The following KCNIP4 variants were observed in gnomAD, a reference collection of about 807,000 sequenced individuals.
KCNIP4 encodes Kv channel-interacting protein 4.
KCNIP4 carries 12 observed loss-of-function variants against 34.0 expected under a neutral mutation model. That is an observed-to-expected ratio of 0.35 (90% CI 0.23 to 0.57). The LOEUF (loss-of-function observed/expected upper bound fraction) is 0.57. Among genes scored for constraint, KCNIP4 ranks in the 20% least tolerant of loss-of-function variants. The pLI is 0.83. For synonymous variants in KCNIP4, 124 were observed against 102.2 expected (o/e 1.21, Z -1.29); for missense variants, 238 against 311.7 (o/e 0.76, Z 1.78).
At chr4:21,116,206 C>T (rs1461282451) in intron 1 of KCNIP4, among the ~76,000 whole-genome samples, 1 of 152,166 alleles carries the variant, frequency 6.6e-6, no homozygotes, top group Non-Finnish European at 1.5e-5. Context: ...GCCCTCCAAA[C>T]TGTTTAAGCT....
At chr4:21,054,534 AG>A (rs1366145517) in intron 1 of KCNIP4, among the ~76,000 whole-genome samples, 1 of 151,592 alleles carries the variant, frequency 6.6e-6, no homozygotes, top group Non-Finnish European at 1.5e-5. Context: ...AAAAAAAAAA[AG>A]AATAGACAAA....
chr4:20,879,830 CAGATA>C (rs1397342453), intron 2 of KCNIP4, among the ~76,000 whole-genome samples: 1 of 152,108 alleles, frequency 6.6e-6, no homozygotes, highest in Non-Finnish European at 1.5e-5. Context: ...AGCTTGCATT[CAGATA>C]AATCAGTTCT....
At chr4:21,150,134 T>C (rs1752654537) in intron 1 of KCNIP4, among the ~76,000 whole-genome samples, 1 of 152,174 alleles carries the variant, frequency 6.6e-6, no homozygotes, top group South Asian at 2.1e-4. Context: ...TGCAGACCCC[T>C]TGGAGATGGT....
intron 5 of KCNIP4, among the ~76,000 whole-genome samples, chr4:20,739,748 G>C (rs1160560982): frequency 6.6e-6 from 1 of 152,152 alleles, no homozygotes; most frequent in African/African-American, 2.4e-5. Flanking sequence ...TGACTTTGAT[G>C]AGCTGACAGA....
rs1451623507 is a variant in KCNIP4, at chr4:21,224,302, T to C, written c.62-341593A>G. Among the ~76,000 whole-genome samples the C allele has an allele frequency of 3.3e-5, 5 of 152,056 alleles. No homozygotes were observed. In the East Asian group the frequency reaches 5.8e-4, roughly 18 times the overall value. On this transcript the variant is annotated intron_variant, in intron 1 of 8. Coordinates refer to ENST00000382152, the MANE Select transcript of KCNIP4 (RefSeq NM_025221.6). ...TGGTGAGGGCCTGCTTCCTGTCTTG[T>C]AGACAGCCATCTTCTTGCAGAGAGG...
intron 1 of KCNIP4, among the ~76,000 whole-genome samples, chr4:21,338,606 CA>C (rs11454380): frequency 5.0e-5 from 7 of 139,210 alleles, no homozygotes; most frequent in South Asian, 2.2e-4. Flanking sequence ...GACTCTGCTT[CA>C]AAAAAAAAAC....
At chr4:21,669,060 T>C (rs1011280036) in intron 1 of KCNIP4, among the ~76,000 whole-genome samples, 1 of 152,206 alleles carries the variant, frequency 6.6e-6, no homozygotes, top group Non-Finnish European at 1.5e-5. Flanking sequence ...AATACTTTTA[T>C]GATAATCCAC....
intron 4 of KCNIP4, among the ~76,000 whole-genome samples, chr4:20,758,423 A>G (rs6832227): frequency 0.017 from 2,567 of 152,238 alleles, 66 homozygotes; most frequent in African/African-American, 0.059. Flanking sequence ...TACCTTCTCC[A>G]ATCCCCAGAT....
chr4:21,675,801 A>G (rs562143971), intron 1 of KCNIP4, among the ~76,000 whole-genome samples: 1 of 152,204 alleles, frequency 6.6e-6, no homozygotes, highest in East Asian at 1.9e-4. Flanking sequence ...GAAAGAAAAC[A>G]TGAAAGGGAC....
intron 4 of KCNIP4, among the ~76,000 whole-genome samples, chr4:20,753,447 C>T (rs950436507): frequency 1.3e-5 from 2 of 152,204 alleles, no homozygotes; most frequent in East Asian, 1.9e-4. Flanking sequence ...AGTTCTTAAC[C>T]CAATTATATC....
chr4:21,757,734 A>C (rs1013065323), intron 1 of KCNIP4, among the ~76,000 whole-genome samples: 10 of 152,198 alleles, frequency 6.6e-5, no homozygotes, highest in African/African-American at 2.4e-4. Context: ...CCAATCTATG[A>C]CCCCATTCAA....
intron 1 of KCNIP4, among the ~76,000 whole-genome samples, chr4:21,391,827 A>C (rs1275068501): frequency 1.3e-5 from 2 of 152,118 alleles, no homozygotes; most frequent in African/African-American, 4.8e-5. Flanking sequence ...ACTGTTCCTT[A>C]ATTCAACCAG....
intron 1 of KCNIP4, among the ~76,000 whole-genome samples, chr4:21,227,857 A>T (rs1383438265): frequency 6.6e-6 from 1 of 152,160 alleles, no homozygotes; most frequent in Non-Finnish European, 1.5e-5. Context: ...GAGCGGACAG[A>T]TCAACTATCC....
chr4:20,880,426 A>G (rs1044487414), intron 2 of KCNIP4, among the ~76,000 whole-genome samples: 12 of 152,186 alleles, frequency 7.9e-5, no homozygotes, highest in African/African-American at 4.8e-5. Context: ...AGCCAGTACT[A>G]TACAATCCCA....
intron 1 of KCNIP4, among the ~76,000 whole-genome samples, chr4:21,572,219 T>A (rs895718643): frequency 6.6e-6 from 1 of 152,190 alleles, no homozygotes; most frequent in Admixed American, 6.5e-5. Context: ...CAGGCAAGTA[T>A]GTGTTTTGGC....
At chr4:20,937,222 CTTTTTTTTTTTT>C (rs397992488) in intron 1 of KCNIP4, among the ~76,000 whole-genome samples, 13 of 45,528 alleles carry the variant, frequency 2.9e-4, no homozygotes, top group South Asian at 9.7e-4. Flanking sequence ...CCCAAGGAGT[CTTTTTTTTTTTT>C]TTTTTTTTTT....
intron 1 of KCNIP4, among the ~76,000 whole-genome samples, chr4:21,870,734 A>G (rs62301420): frequency 5.9e-5 from 9 of 152,172 alleles, no homozygotes; most frequent in Non-Finnish European, 1.2e-4. Context: ...TGTGTGGCAA[A>G]GTCAAGAACC....
At chr4:21,499,652 A>G (rs1471945379) in intron 1 of KCNIP4, among the ~76,000 whole-genome samples, 4 of 152,264 alleles carry the variant, frequency 2.6e-5, no homozygotes, top group African/African-American at 9.6e-5. Context: ...TTTGGATGTC[A>G]TGTAAGAAGT....
chr4:21,027,001 C>T lies in KCNIP4; in HGVS notation c.62-144292G>A, dbSNP rs767656139. On this transcript the variant is annotated intron_variant, in intron 1 of 8. Coordinates refer to ENST00000382152, the MANE Select transcript of KCNIP4 (RefSeq NM_025221.6). ...GCATTTCTGAAGGTTTTCAGTCAGA[C>T]GAGAACTTTATCAGGTTTCAATTTT... Among the ~76,000 whole-genome samples, 8 of 152,218 alleles carry T rather than the reference C, an allele frequency of 5.3e-5. No individual in the cohort carries two copies. The South Asian group carries it at 1.0e-3, about 20-fold the overall frequency.
Sources: gnomAD v4.1 joint callset for allele counts (sites outside exome capture counted in the v4.1 genomes callset) on GRCh38, gnomAD v4.1.1 for gene constraint, MANE v1.5 for transcripts, NCBI Gene and HGNC (gene_info 2026-07-23, HGNC 2026-07-21) for gene names.